Variants in KCNB2 observed in about 807,000 individuals in gnomAD.
KCNB2 encodes delayed rectifier potassium channel protein.
KCNB2 carries 15 observed loss-of-function variants against 61.5 expected under a neutral mutation model. The observed-to-expected ratio is 0.24, with a 90% CI of 0.16 to 0.38. The LOEUF (loss-of-function observed/expected upper bound fraction) is 0.38. Among genes scored for constraint, KCNB2 ranks in the 10% least tolerant of loss-of-function variants. The pLI, the probability that KCNB2 is intolerant of heterozygous loss-of-function variation, is 1.00. For synonymous variants in KCNB2, 457 were observed against 446.0 expected (o/e 1.02, Z -0.31); for missense variants, 828 against 1,125.2 (o/e 0.74, Z 3.78).
rs1809452657 is a variant in KCNB2, at chr8:72,819,262, C to T, written c.580-116673C>T. Among the ~76,000 whole-genome samples the T allele has an allele frequency of 3.9e-5, 6 of 152,224 alleles. No homozygotes were observed. The South Asian group carries it at 1.2e-3, about 32-fold the overall frequency. On this transcript the variant is annotated intron_variant, in intron 2 of 2. Coordinates refer to ENST00000523207, the MANE Select transcript of KCNB2 (RefSeq NM_004770.3). ...GCACTACCCAGTCACTAAGCTACCCCCACTTCATGGCAGCAACCGGCCCAG... is the reference window on the plus strand; with the variant it reads ...GCACTACCCAGTCACTAAGCTACCCTCACTTCATGGCAGCAACCGGCCCAG...
At position 72,784,568 on chromosome 8, in the gene KCNB2, C is replaced by T. The variant is rs1408005290; in HGVS notation, c.580-151367C>T. Among the ~76,000 whole-genome samples the T allele has an allele frequency of 3.9e-5, 6 of 152,270 alleles. No individual in the cohort carries two copies. The East Asian group carries it at 1.2e-3, about 29-fold the overall frequency. The stretch of plus-strand genomic sequence containing the variant: ...ATGATGGAAGGGGAAGCAAACATGT[C>T]CTTCTTCACATGATGGCAGGAAGAA... On this transcript the variant is annotated intron_variant, in intron 2 of 2. Transcript: ENST00000523207.
chr8:72,750,357 C>T (rs1156429969), intron 2 of KCNB2: 3 of 152,160 alleles, frequency 2.0e-5, no homozygotes, highest in Non-Finnish European at 4.4e-5. Flanking sequence ...GTTTCTCTTA[C>T]ACCCAGGAAT....
intron 2 of KCNB2, among the ~76,000 whole-genome samples, chr8:72,611,755 C>T (rs1191554838): frequency 6.6e-6 from 1 of 152,072 alleles, no homozygotes; most frequent in Admixed American, 6.6e-5. Flanking sequence ...ATTGGTGATA[C>T]ATGAGAATAA....
intron 2 of KCNB2, among the ~76,000 whole-genome samples, chr8:72,905,439 A>G (rs1806160624): frequency 6.6e-6 from 1 of 151,708 alleles, no homozygotes; most frequent in Non-Finnish European, 1.5e-5. Flanking sequence ...AGAACTTTAT[A>G]GAAATATTTG....
At position 72,711,370 on chromosome 8, in the gene KCNB2, G is replaced by A. The variant is rs988182766; in HGVS notation, c.579+143057G>A. On this transcript the variant is annotated intron_variant, in intron 2 of 2. Transcript: ENST00000523207. ...TGACTCCCATGCCATGCCTGCATGC[G>A]CCAGGCCTCCTACAAGGTCCAGGCT... Among the ~76,000 whole-genome samples the A allele has an allele frequency of 3.9e-5, 6 of 152,176 alleles. No individual in the cohort carries two copies. In the East Asian group the frequency reaches 5.8e-4, roughly 15 times the overall value.
At chr8:72,845,798 C>T (rs1486607186) in intron 2 of KCNB2, among the ~76,000 whole-genome samples, 1 of 151,998 alleles carries the variant, frequency 6.6e-6, no homozygotes, top group African/African-American at 2.4e-5. Flanking sequence ...CCCCATCAAA[C>T]TCCAGCATCC....
Position 72,675,156 on chromosome 8 carries a change from AG to A in KCNB2, c.579+106845del, listed in dbSNP as rs569643795. Among the ~76,000 whole-genome samples the A allele has an allele frequency of 1.5e-3, 224 of 152,338 alleles. 1 individual carries two copies. Among genetic ancestry groups the A allele is most frequent in the African/African-American group, 5.1e-3 (212 of 41,576 alleles). Reference sequence around the variant, plus strand: ...AATGGATTGTTTTCATCACAAAGCAAGGTAGTATATCTAGGTATATTGGAAA... The same window carrying A: ...AATGGATTGTTTTCATCACAAAGCAAGTAGTATATCTAGGTATATTGGAAA... On this transcript the variant is annotated intron_variant, in intron 2 of 2. Transcript: ENST00000523207.
chr8:72,831,527 T>C (rs1809695309), intron 2 of KCNB2, among the ~76,000 whole-genome samples: 1 of 152,218 alleles, frequency 6.6e-6, no homozygotes, highest in South Asian at 2.1e-4. Context: ...ACTTTGTGGG[T>C]GTGATTCAAA....
At chr8:72,873,499 T>A (rs1399199039) in intron 2 of KCNB2, among the ~76,000 whole-genome samples, 1 of 152,224 alleles carries the variant, frequency 6.6e-6, no homozygotes, top group East Asian at 1.9e-4. Context: ...CTTACCCCAC[T>A]GGGGTGGGAT....
intron 2 of KCNB2, among the ~76,000 whole-genome samples, chr8:72,597,020 T>TGAGA (rs1807207376): frequency 8.5e-5 from 4 of 47,002 alleles, no homozygotes; most frequent in Admixed American, 3.3e-4. Context: ...TTTTTTTTTT[T>TGAGA]TTTTTTTTTT....
At chr8:72,641,830 A>T (rs1806060583) in intron 2 of KCNB2, among the ~76,000 whole-genome samples, 1 of 152,138 alleles carries the variant, frequency 6.6e-6, no homozygotes, top group Non-Finnish European at 1.5e-5. Flanking sequence ...ATATAAAAGA[A>T]CATATGTAAG....
At position 72,805,887 on chromosome 8, in the gene KCNB2, G is replaced by A. The variant is rs1585904019; in HGVS notation, c.580-130048G>A. Among the ~76,000 whole-genome samples the A allele has an allele frequency of 2.0e-5, 3 of 152,144 alleles. No homozygotes were observed. In the East Asian group the frequency reaches 5.8e-4, roughly 29 times the overall value. The stretch of plus-strand genomic sequence containing the variant: ...GTATTAATAATGTCCTTCTCTATTA[G>A]CAGTCAAGGTGTTGTAGGAAGGGCA... On this transcript the variant is annotated intron_variant, in intron 2 of 2. Coordinates refer to ENST00000523207, the MANE Select transcript of KCNB2 (RefSeq NM_004770.3).
intron 2 of KCNB2, among the ~76,000 whole-genome samples, chr8:72,731,736 A>G (rs1807740997): frequency 6.6e-6 from 1 of 152,250 alleles, no homozygotes; most frequent in Non-Finnish European, 1.5e-5. Context: ...TGAAGAGGAG[A>G]GAAAAACAGA....
intron 2 of KCNB2, among the ~76,000 whole-genome samples, chr8:72,629,476 A>G (rs987298302): frequency 1.6e-4 from 25 of 152,322 alleles, no homozygotes; most frequent in African/African-American, 5.5e-4. Context: ...AATAATACCT[A>G]TAACCCAACA....
chr8:72,567,286 T>A (rs1404953841), intron 1 of KCNB2, among the ~76,000 whole-genome samples: 1 of 152,108 alleles, frequency 6.6e-6, no homozygotes, highest in African/African-American at 2.4e-5. Flanking sequence ...CATTCCAGCC[T>A]GTGTCACAGA....
At position 72,840,795 on chromosome 8, in the gene KCNB2, G is replaced by A. The variant is rs148395865; in HGVS notation, c.580-95140G>A. Among the ~76,000 whole-genome samples the A allele has an allele frequency of 7.4e-3, 1,125 of 151,964 alleles. 14 individuals carry two copies. Among genetic ancestry groups the A allele is most frequent in the African/African-American group, 0.02 (848 of 41,428 alleles). On this transcript the variant is annotated intron_variant, in intron 2 of 2. Transcript: ENST00000523207. Reference sequence around the variant, plus strand: ...TTTGTTTAAGTTCCTTGTAGATTCTGGATATTTGCCCTTTGTCAGATGGAT... The same window carrying A: ...TTTGTTTAAGTTCCTTGTAGATTCTAGATATTTGCCCTTTGTCAGATGGAT...
intron 2 of KCNB2, among the ~76,000 whole-genome samples, chr8:72,636,910 T>C (rs1805974457): frequency 6.6e-6 from 1 of 152,164 alleles, no homozygotes; most frequent in Admixed American, 6.5e-5. Flanking sequence ...CTGATCATTG[T>C]TTTCCAGTCT....
chr8:72,719,220 G>A (rs1320112044), intron 2 of KCNB2, among the ~76,000 whole-genome samples: 4 of 151,658 alleles, frequency 2.6e-5, no homozygotes, highest in African/African-American at 4.8e-5. Context: ...TATTTCCCTC[G>A]ACCTGCACAT....
chr8:72,599,660 A>G (rs1807258736), intron 2 of KCNB2, among the ~76,000 whole-genome samples: 1 of 152,186 alleles, frequency 6.6e-6, no homozygotes, highest in Non-Finnish European at 1.5e-5. Flanking sequence ...TGAACAGGCA[A>G]CCTACAGGAT....
Sources: gnomAD v4.1 joint callset for allele counts (sites outside exome capture counted in the v4.1 genomes callset) on GRCh38, gnomAD v4.1.1 for gene constraint, MANE v1.5 for transcripts, NCBI Gene and HGNC (gene_info 2026-07-23, HGNC 2026-07-21) for gene names.